WNT2B: variants seen among roughly 807,000 people sequenced by gnomAD.
The protein encoded by WNT2B is protein Wnt-2b.
In WNT2B, 19 loss-of-function variants were observed where a neutral mutation model predicts 40.5. The ratio of observed to expected loss-of-function variants is 0.47; its 90% CI spans 0.33 to 0.69. WNT2B has a LOEUF of 0.69. WNT2B is among the 30% of genes least tolerant of loss of function. WNT2B has a pLI of 0.02. For missense variants in WNT2B, 467 were observed against 556.4 expected (o/e 0.84, Z 1.62); for synonymous variants, 220 against 211.9 (o/e 1.04, Z -0.33).
chr1:112,513,106 C>T (rs1570792549), intron 1 of WNT2B, among the ~76,000 whole-genome samples: 1 of 149,990 alleles, frequency 6.7e-6, no homozygotes, highest in East Asian at 2.0e-4. Flanking sequence ...CAACCCTCCT[C>T]ACCCAAGCCC....
Position 112,469,891 on chromosome 1 carries a change from G to A in WNT2B, c.-95+2300G>A, listed in dbSNP as rs140417740. Reference sequence around the variant, plus strand: ...GGCCTCCCAAAGTGCTGGGATTACAGGTGTGAGTCGCCGTACCCGGCCTAT... The same window carrying A: ...GGCCTCCCAAAGTGCTGGGATTACAAGTGTGAGTCGCCGTACCCGGCCTAT... On this transcript the variant is annotated intron_variant, in intron 1 of 4. Transcript: ENST00000256640. Among the ~76,000 whole-genome samples, 723 of 152,278 alleles carry A rather than the reference G, an allele frequency of 4.7e-3. 4 individuals carry two copies. Among genetic ancestry groups the A allele is most frequent in the African/African-American group, 0.017 (688 of 41,544 alleles).
At chr1:112,467,585 A>G (rs759134396) in exon 1 of WNT2B, 2 of 780,818 alleles carry the variant, frequency 2.6e-6, no homozygotes, top group South Asian at 1.3e-5. Flanking sequence ...TTGGAATTCA[A>G]CTAAAAGTAA....
upstream of WNT2B, among the ~76,000 whole-genome samples, chr1:112,507,378 T>C (rs115002283): frequency 0.013 from 1,924 of 152,206 alleles, 43 homozygotes; most frequent in African/African-American, 0.044. Context: ...TGGTAGGAAA[T>C]AAGTATTTGT....
intron 1 of WNT2B, among the ~76,000 whole-genome samples, chr1:112,476,638 C>T (rs1021878932): frequency 1.1e-4 from 17 of 152,208 alleles, no homozygotes; most frequent in Non-Finnish European, 2.2e-4. Context: ...CCACAACCTC[C>T]ACCTGTGGGA....
rs528601344 is a variant in WNT2B, at chr1:112,495,450, A to G, written c.-94-19424A>G. Among the ~76,000 whole-genome samples the G allele has an allele frequency of 4.4e-4, 67 of 152,194 alleles. 4 individuals carry two copies. In the South Asian group the frequency reaches 0.013, roughly 31 times the overall value. Reference sequence around the variant, plus strand: ...AAAAACAAAAAAAAATTAGCTGGGCATGGTGGCGAGTGCCTATAGTCCCAG... The same window carrying G: ...AAAAACAAAAAAAAATTAGCTGGGCGTGGTGGCGAGTGCCTATAGTCCCAG... On this transcript the variant is annotated intron_variant, in intron 1 of 4. Transcript: ENST00000256640.
intron 1 of WNT2B, among the ~76,000 whole-genome samples, chr1:112,477,509 A>G (rs1301610579): frequency 6.6e-6 from 1 of 152,236 alleles, no homozygotes; most frequent in African/African-American, 2.4e-5. Context: ...CGCCAAAGGA[A>G]CACAATAATT....
In WNT2B at chr1:112,477,289, T is replaced by C. The variant is rs915598267; in HGVS notation, c.-95+9698T>C. Reference sequence around the variant, plus strand: ...TGGAGCTTTATAGAGAGTATGCTGCTGTACCCACCATGGAGTTGGAGCTGA... The same window carrying C: ...TGGAGCTTTATAGAGAGTATGCTGCCGTACCCACCATGGAGTTGGAGCTGA... On this transcript the variant is annotated intron_variant, in intron 1 of 4. Transcript: ENST00000256640. 2.0e-5 allele frequency among the ~76,000 whole-genome samples: 3 copies of C among 152,234 alleles called. No individual in the cohort carries two copies. The East Asian group carries it at 5.8e-4, about 29-fold the overall frequency.
At chr1:112,493,977 G>A (rs1291529729) in intron 1 of WNT2B, among the ~76,000 whole-genome samples, 2 of 151,394 alleles carry the variant, frequency 1.3e-5, no homozygotes, top group Non-Finnish European at 2.9e-5. Context: ...AGCCAGCGAT[G>A]AGAAAAAAAC....
At chr1:112,494,577 A>G (rs760651482) in intron 1 of WNT2B, among the ~76,000 whole-genome samples, 57 of 151,456 alleles carry the variant, frequency 3.8e-4, no homozygotes, top group Non-Finnish European at 5.1e-4. Context: ...TCTCTTTTGT[A>G]GAGAAGGGCC....
intron 1 of WNT2B, among the ~76,000 whole-genome samples, chr1:112,475,636 G>T (rs1372835171): frequency 6.6e-6 from 1 of 151,586 alleles, no homozygotes; most frequent in Admixed American, 6.6e-5. Context: ...CATGAAGCTA[G>T]ACCACAATAA....
At chr1:112,495,302 C>A (rs180806543) in intron 1 of WNT2B, among the ~76,000 whole-genome samples, 1 of 151,810 alleles carries the variant, frequency 6.6e-6, no homozygotes, top group African/African-American at 2.4e-5. Context: ...ATAGGCCAGG[C>A]GTGGTGGCTC....
At chr1:112,477,698 C>A (rs1651093820) in intron 1 of WNT2B, among the ~76,000 whole-genome samples, 1 of 151,964 alleles carries the variant, frequency 6.6e-6, no homozygotes, top group Admixed American at 6.6e-5. Flanking sequence ...TTTAAAATAA[C>A]CAAACAAATT....
intron 1 of WNT2B, among the ~76,000 whole-genome samples, chr1:112,498,911 T>C (rs1460125507): frequency 6.6e-6 from 1 of 152,130 alleles, no homozygotes; most frequent in Non-Finnish European, 1.5e-5. Context: ...ATTACCCAAT[T>C]TCAAAGCTGC....
At chr1:112,470,026 C>T (rs1402188827) in intron 1 of WNT2B, among the ~76,000 whole-genome samples, 17 of 152,196 alleles carry the variant, frequency 1.1e-4, no homozygotes, top group Admixed American at 1.1e-3. Flanking sequence ...ACCACAATTA[C>T]AGTGTTATGA....
At chr1:112,496,400 C>A (rs948272007) in intron 1 of WNT2B, among the ~76,000 whole-genome samples, 1 of 152,232 alleles carries the variant, frequency 6.6e-6, no homozygotes. Flanking sequence ...TCCCAACAGC[C>A]CCCAAAGTCT....
intron 4 of WNT2B, 97 bp from the exon 5 acceptor site, chr1:112,520,183 G>C: frequency 7.8e-7 from 1 of 1,283,524 alleles, no homozygotes. Flanking sequence ...GCCCAAAAAA[G>C]CGATTCTTTT....
At chr1:112,483,181 TACACACAC>T (rs58250277) in intron 1 of WNT2B, among the ~76,000 whole-genome samples, 3,867 of 140,922 alleles carry the variant, frequency 0.027, 77 homozygotes, top group African/African-American at 0.069. Context: ...GCAACATAGA[TACACACAC>T]ACACACACAC....
intron 4 of WNT2B, among the ~76,000 whole-genome samples, chr1:112,519,944 G>T (rs1652771640): frequency 6.8e-6 from 1 of 147,752 alleles, no homozygotes; most frequent in Middle Eastern, 3.3e-3. Context: ...TGCAATCTTG[G>T]CTCACTGCAG....
Position 112,509,203 on chromosome 1 carries a change from C to T in WNT2B, c.-60C>T. On this transcript the variant is annotated 5_prime_UTR_variant, in exon 1 of 5. Coordinates refer to ENST00000369684, the MANE Select transcript of WNT2B (RefSeq NM_024494.3). The surrounding 1 kb of genome is among the most constrained non-coding windows in gnomAD (Gnocchi z 4.2). The stretch of plus-strand genomic sequence containing the variant: ...GGTGAGGTAGGAGCAGCCTGAGTAC[C>T]CCCAGAAGGTGCCCCGTCCACGCCC... 6.9e-7 allele frequency: 1 copy of T among 1,441,182 alleles called. No individual in the cohort carries two copies. Among genetic ancestry groups the T allele is most frequent in the Non-Finnish European group, 9.0e-7 (1 of 1,108,740 alleles). 89.3% of individuals were successfully genotyped at this position (1,441,182 alleles called of 1,614,324 possible).
Sources: allele counts gnomAD v4.1 joint callset (sites outside exome capture counted in the v4.1 genomes callset), GRCh38; gene constraint gnomAD v4.1.1; non-coding constraint Gnocchi (gnomAD v3.1); transcripts MANE v1.5; gene names NCBI Gene and HGNC (gene_info 2026-07-23, HGNC 2026-07-21).